Variants in ACO2 observed in about 807,000 individuals in gnomAD.
The protein encoded by ACO2 is aconitase 2, also known as aconitate hydratase, mitochondrial.
ACO2 carries 31 observed loss-of-function variants against 84.5 expected under a neutral mutation model. The ratio of observed to expected loss-of-function variants is 0.37; its 90% CI spans 0.28 to 0.50. ACO2 has a LOEUF of 0.50. ACO2 is among the 20% of genes least tolerant of loss of function. ACO2 has a pLI of 0.97. For synonymous variants in ACO2, 414 were observed against 412.7 expected (o/e 1.00, Z -0.04); for missense variants, 685 against 1,029.3 (o/e 0.67, Z 4.58).
intron 3 of ACO2, among the ~76,000 whole-genome samples, chr22:41,510,738 C>T (rs1235045689): frequency 6.6e-6 from 1 of 152,228 alleles, no homozygotes; most frequent in Non-Finnish European, 1.5e-5. Flanking sequence ...ACCCTGGCCT[C>T]ACATCTGCTG....
intron 7 of ACO2, 82 bp from the exon 8 acceptor site, chr22:41,518,398 CA>C (rs1466004868): frequency 5.6e-5 from 58 of 1,040,206 alleles, no homozygotes; most frequent in Non-Finnish European, 7.8e-5. Context: ...TGGTGTTTGG[CA>C]GGTGCTCAGG....
At chr22:41,525,401 C>T in intron 14 of ACO2, 53 bp downstream of exon 14, 1 of 1,600,396 alleles carries the variant, frequency 6.2e-7, no homozygotes, top group East Asian at 2.2e-5. Context: ...GCCCCCCGTC[C>T]CCTGAGCATC....
intron 3 of ACO2, among the ~76,000 whole-genome samples, chr22:41,510,862 C>G (rs763835925): frequency 5.9e-5 from 9 of 152,224 alleles, no homozygotes; most frequent in African/African-American, 1.7e-4. Context: ...GAACAGTGGT[C>G]CCTTCGACAG....
Position 41,515,568 on chromosome 22 carries a change from C to A in ACO2, c.684+33C>A. 1 of 1,589,900 alleles carries A rather than the reference C, an allele frequency of 6.3e-7. No individual in the cohort carries two copies. Among genetic ancestry groups the A allele is most frequent in the Non-Finnish European group, 8.6e-7 (1 of 1,166,990 alleles). On this transcript the variant is annotated intron_variant, in intron 5 of 17. Transcript: ENST00000216254. The surrounding 1 kb of genome is among the most constrained non-coding windows in gnomAD (Gnocchi z 5.8). ...TGGGGAGGGACTCATTCTGGGCTGG[C>A]TGTGGGGTGGTGGTTGGTGGGGATG...
intron 1 of ACO2, among the ~76,000 whole-genome samples, chr22:41,492,602 C>A (rs553974040): frequency 6.6e-6 from 1 of 152,048 alleles, no homozygotes; most frequent in African/African-American, 2.4e-5. Context: ...GGTGAAACCC[C>A]GTCTTTACTA....
rs1213893717 is a variant in ACO2, at chr22:41,526,320, G to A, written c.1820G>A (p.Arg607His). ...GCTGCTGGCCCCTGGCTCAAGTTCC[G>A]TGGGCACTTGGATAACATCTCCAAC... ...ISAAGPWLKF[R>H]GHLDNISNNL... is the part of the protein sequence containing the mutation. Residue 607 changes from arginine to histidine, a missense_variant, in exon 15 of 18, where the codon CGT becomes CAT. Transcript: ENST00000216254. 1.2e-6 allele frequency: 2 copies of A among 1,612,806 alleles called. No homozygotes were observed. Among genetic ancestry groups the A allele is most frequent in the Non-Finnish European group, 1.7e-6 (2 of 1,180,034 alleles).
Position 41,500,300 on chromosome 22 carries a change from A to AATTTT in ACO2, c.173+463_173+467dup, listed in dbSNP as rs796379447. On this transcript the variant is annotated intron_variant, in intron 2 of 17. Transcript: ENST00000216254. ...AACTAAGATGGGACCTTTTTAATTT[A>AATTTT]ATTTTATTTTATTTTATTTTATTTT... 3.0e-3 allele frequency among the ~76,000 whole-genome samples: 447 copies of AATTTT among 149,298 alleles called. 1 individual carries two copies. Among genetic ancestry groups the AATTTT allele is most frequent in the African/African-American group, 8.9e-3 (367 of 41,024 alleles).
In ACO2 at chr22:41,515,618, G is replaced by T. The variant is rs1007831000; in HGVS notation, c.684+83G>T. The T allele has an allele frequency of 1.9e-6, 3 of 1,574,086 alleles. No homozygotes were observed. Among genetic ancestry groups the T allele is most frequent in the Non-Finnish European group, 2.6e-6 (3 of 1,157,970 alleles). On this transcript the variant is annotated intron_variant, in intron 5 of 17. Transcript: ENST00000216254. The surrounding 1 kb of genome is among the most constrained non-coding windows in gnomAD (Gnocchi z 5.8). ...GAACGGGAGACGGTGGGACCCAGGA[G>T]GGAAAAGGGAACAAGTTAGACTCGA... is the stretch of plus-strand genomic sequence containing the variant.
At chr22:41,475,792 G>A (rs2038006331) in intron 1 of ACO2, among the ~76,000 whole-genome samples, 1 of 151,858 alleles carries the variant, frequency 6.6e-6, no homozygotes. Flanking sequence ...CAGCTACTCA[G>A]GAGGCTGAGG....
At chr22:41,481,388 G>A (rs374319402) in intron 1 of ACO2, among the ~76,000 whole-genome samples, 13 of 152,290 alleles carry the variant, frequency 8.5e-5, no homozygotes, top group East Asian at 5.8e-4. Context: ...TGGGTGGCTC[G>A]GCACCCTCAG....
rs757026291 is a variant in ACO2 at position 41,528,027 on chromosome 22, G to C, written c.2208+5G>C. On this transcript the variant is annotated splice_donor_5th_base_variant and intron_variant, in intron 17 of 17. Coordinates refer to ENST00000216254, the MANE Select transcript of ACO2 (RefSeq NM_001098.3). Reference sequence around the variant, plus strand: ...AAGGACTTCACCCCTGGCAAGGTTAGGGGCCCGGGTCCCCCTGAGGTGGTG... The same window carrying C: ...AAGGACTTCACCCCTGGCAAGGTTACGGGCCCGGGTCCCCCTGAGGTGGTG... The C allele has an allele frequency of 7.4e-6, 12 of 1,614,016 alleles. No individual in the cohort carries two copies. Among genetic ancestry groups the C allele is most frequent in the South Asian group, 6.6e-5 (6 of 91,088 alleles).
intron 1 of ACO2, among the ~76,000 whole-genome samples, chr22:41,472,641 G>C (rs2037960071): frequency 6.6e-6 from 1 of 152,034 alleles, no homozygotes. Flanking sequence ...AAAGAAATGG[G>C]GGTCTCGCTA....
At chr22:41,525,555 G>C (rs2066576687) in intron 14 of ACO2, among the ~76,000 whole-genome samples, 1 of 152,246 alleles carries the variant, frequency 6.6e-6, no homozygotes, top group Non-Finnish European at 1.5e-5. Flanking sequence ...GGCAGAGCTA[G>C]ATCTGGCCAG....
In ACO2 at chr22:41,525,283, CAGCTCCTGG is replaced by C; in HGVS notation, c.1700_1708del (p.Leu567_Glu569del). 6.2e-7 allele frequency: 1 copy of C among 1,614,120 alleles called. No homozygotes were observed. Among genetic ancestry groups the C allele is most frequent in the South Asian group, 1.1e-5 (1 of 91,080 alleles). On this transcript the variant is annotated inframe_deletion, in exon 14 of 18. Coordinates refer to ENST00000216254, the MANE Select transcript of ACO2 (RefSeq NM_001098.3). ...CGTGAGCCCCACCAGCCAGCGCCTG[CAGCTCCTGG>C]AGCCTTTTGACAAGTGGGATGGCAA...
At chr22:41,514,089 G>C (rs779688413) in intron 4 of ACO2, among the ~76,000 whole-genome samples, 8 of 152,204 alleles carry the variant, frequency 5.3e-5, no homozygotes, top group Non-Finnish European at 1.0e-4. Context: ...CCAGTTCTTC[G>C]CAGCCAGGTC....
chr22:41,502,501 G>A lies in ACO2; in HGVS notation c.173+2639G>A, dbSNP rs117557650. ...TATTTATTCTTGGAGCTCTCACACC[G>A]CTGCTCAGTGGAAAAGTGATAGATT... On this transcript the variant is annotated intron_variant, in intron 2 of 17. Transcript: ENST00000216254. Among the ~76,000 whole-genome samples the A allele has an allele frequency of 1.3e-3, 202 of 152,258 alleles. 4 individuals are homozygous for A. In the East Asian group the frequency reaches 0.034, roughly 26 times the overall value.
At chr22:41,521,660 T>C (rs959963391) in intron 9 of ACO2, 5 of 152,226 alleles carry the variant, frequency 3.3e-5, no homozygotes, top group Non-Finnish European at 4.4e-5. Context: ...CCCTTATTCA[T>C]TGAAGTAATT....
rs2066570630 is a variant in ACO2, at chr22:41,525,222, G to A, written c.1635G>A (p.Gln545=). ...GEFDPGQDTY[Q]HPPKDSSGQH... ...TTGACCCAGGGCAGGACACCTACCA[G>A]CACCCACCCAAGGACAGCAGCGGGC... The change falls in exon 14 of 18, where the codon CAG becomes CAA. Residue 545 remains glutamine (Q), a synonymous_variant. Coordinates refer to ENST00000216254, the MANE Select transcript of ACO2 (RefSeq NM_001098.3). 1 of 1,614,106 alleles carries A rather than the reference G, an allele frequency of 6.2e-7. No individual in the cohort carries two copies. Among genetic ancestry groups the A allele is most frequent in the Non-Finnish European group, 8.5e-7 (1 of 1,180,008 alleles).
At chr22:41,479,583 A>T (rs1337796255) in intron 1 of ACO2, among the ~76,000 whole-genome samples, 1 of 152,186 alleles carries the variant, frequency 6.6e-6, no homozygotes, top group Admixed American at 6.5e-5. Flanking sequence ...TAGGGGATAC[A>T]GTTCAGTCGG....
Sources: gnomAD v4.1 joint callset for allele counts (sites outside exome capture counted in the v4.1 genomes callset) on GRCh38, gnomAD v4.1.1 for gene constraint, Gnocchi (gnomAD v3.1) non-coding constraint, MANE v1.5 for transcripts, NCBI Gene and HGNC (gene_info 2026-07-23, HGNC 2026-07-21) for gene names.